PTPRD: variants seen among roughly 807,000 people sequenced by gnomAD.
The protein encoded by PTPRD is protein tyrosine phosphatase receptor type D, also known as receptor-type tyrosine-protein phosphatase delta.
Under a neutral mutation model 214.5 loss-of-function variants are expected in PTPRD, and 34 were observed. The ratio of observed to expected loss-of-function variants is 0.16; its 90% CI spans 0.12 to 0.21. PTPRD has a LOEUF of 0.21. PTPRD is among the 10% of genes least tolerant of loss of function. The pLI is 1.00. For synonymous variants in PTPRD, 1,128 were observed against 845.7 expected, an observed-to-expected ratio of 1.33 and a Z score of -5.79; for missense variants, 2,545 against 2,398.7, an observed-to-expected ratio of 1.06 and a Z score of -1.27.
At chr9:8,689,263 C>T (rs542027170) in intron 12 of PTPRD, among the ~76,000 whole-genome samples, 4 of 152,036 alleles carry the variant, frequency 2.6e-5, no homozygotes, top group Non-Finnish European at 5.9e-5. Context: ...AAAACAAAAT[C>T]AGAGTAAGAG....
At chr9:8,593,964 A>G (rs529336077) in intron 14 of PTPRD, among the ~76,000 whole-genome samples, 1 of 152,326 alleles carries the variant, frequency 6.6e-6, no homozygotes, top group African/African-American at 2.4e-5. Flanking sequence ...ATATATGCAT[A>G]TCTCATATAT....
At chr9:9,470,125 C>T (rs1020770446) in intron 8 of PTPRD, among the ~76,000 whole-genome samples, 6 of 152,278 alleles carry the variant, frequency 3.9e-5, no homozygotes, top group Middle Eastern at 3.4e-3. Flanking sequence ...TGTCAGGTCA[C>T]AGTGGGTTGA....
chr9:8,687,300 G>T (rs1427307236), intron 12 of PTPRD, among the ~76,000 whole-genome samples: 1 of 152,162 alleles, frequency 6.6e-6, no homozygotes, highest in Non-Finnish European at 1.5e-5. Context: ...GTTAAAATTT[G>T]TGATGGCTTC....
rs117360282 is a variant in PTPRD at position 8,349,376 on chromosome 9, C to T, written c.4662-7398G>A. ...CATATATTTATTTTGTTTCCTTCTCCAATTTACTCTTTTTTTGTTCACCCA... is the reference window on the plus strand; with the variant it reads ...CATATATTTATTTTGTTTCCTTCTCTAATTTACTCTTTTTTTGTTCACCCA... On this transcript the variant is annotated intron_variant, in intron 39 of 45. Coordinates refer to ENST00000381196, the MANE Select transcript of PTPRD (RefSeq NM_002839.4). Among the ~76,000 whole-genome samples, 7 of 152,270 alleles carry T rather than the reference C, an allele frequency of 4.6e-5. No homozygotes were observed. In the East Asian group the frequency reaches 1.4e-3, roughly 29 times the overall value.
At position 8,316,762 on chromosome 9, in the gene PTPRD, ACAAT is replaced by A. The variant is rs201867677; in HGVS notation, c.*1108_*1111del. On this transcript the variant is annotated 3_prime_UTR_variant, in exon 46 of 46. Transcript: ENST00000381196. ...GTAGGAAATCAGGGGGTGAGGTTTGACAATCAATCACTGATGTGCATTCCTCATT... is the reference window on the plus strand; with the variant it reads ...GTAGGAAATCAGGGGGTGAGGTTTGACAATCACTGATGTGCATTCCTCATT... The A allele has an allele frequency of 3.3e-4, 76 of 231,574 alleles. No individual in the cohort carries two copies. Among genetic ancestry groups the A allele is most frequent in the African/African-American group, 1.6e-3 (71 of 45,304 alleles). The allele number at this position is 231,574 out of a possible 1,614,324, so 14.3% of individuals were successfully genotyped here.
chr9:10,384,626 A>AT (rs1026016817), intron 2 of PTPRD, among the ~76,000 whole-genome samples: 5 of 151,798 alleles, frequency 3.3e-5, no homozygotes, highest in Admixed American at 2.0e-4. Context: ...ATAAAAACGG[A>AT]TTTTTTTAAA....
At chr9:9,233,015 C>T (rs1042494542) in intron 9 of PTPRD, among the ~76,000 whole-genome samples, 5 of 152,104 alleles carry the variant, frequency 3.3e-5, no homozygotes, top group Non-Finnish European at 7.3e-5. Flanking sequence ...AATAATAGCT[C>T]TTAAGACCCT....
chr9:8,339,870 C>G (rs576892639), intron 42 of PTPRD, among the ~76,000 whole-genome samples: 25 of 151,094 alleles, frequency 1.7e-4, no homozygotes, highest in African/African-American at 5.8e-4. Flanking sequence ...AAAAGTGGAT[C>G]TGGGATTACC....
intron 8 of PTPRD, among the ~76,000 whole-genome samples, chr9:9,470,383 T>C (rs1171282129): frequency 6.6e-6 from 1 of 152,216 alleles, no homozygotes; most frequent in African/African-American, 2.4e-5. Context: ...TGTTATATTT[T>C]GTACAGTTTC....
intron 2 of PTPRD, among the ~76,000 whole-genome samples, chr9:10,596,549 T>A (rs1567130612): frequency 6.6e-6 from 1 of 151,726 alleles, no homozygotes; most frequent in Non-Finnish European, 1.5e-5. Flanking sequence ...TATATTTAAA[T>A]GTAGACTACT....
chr9:9,615,337 T>G (rs1369561715), intron 7 of PTPRD, among the ~76,000 whole-genome samples: 1 of 152,102 alleles, frequency 6.6e-6, no homozygotes, highest in East Asian at 1.9e-4. Flanking sequence ...GATCTGTTGC[T>G]CCTCACCTGC....
At chr9:10,028,990 C>T (rs1217006) in intron 4 of PTPRD, among the ~76,000 whole-genome samples, 6 of 152,024 alleles carry the variant, frequency 3.9e-5, no homozygotes, top group East Asian at 3.9e-4. Flanking sequence ...GGCTGTGTGC[C>T]GCCTAGGGAC....
At chr9:9,225,247 A>G (rs1341968500) in intron 9 of PTPRD, among the ~76,000 whole-genome samples, 1 of 152,038 alleles carries the variant, frequency 6.6e-6, no homozygotes. Flanking sequence ...AATTATGTCT[A>G]TGATTAGCTC....
chr9:9,361,065 T>A (rs2139033374), intron 9 of PTPRD, among the ~76,000 whole-genome samples: 1 of 151,328 alleles, frequency 6.6e-6, no homozygotes, highest in East Asian at 1.9e-4. Context: ...TATAAAGGGA[T>A]AATTTCCAGG....
At chr9:9,041,426 T>C (rs2099639521) in intron 10 of PTPRD, among the ~76,000 whole-genome samples, 1 of 152,262 alleles carries the variant, frequency 6.6e-6, no homozygotes, top group African/African-American at 2.4e-5. Flanking sequence ...CCATGTGTTC[T>C]CACCATTTAG....
chr9:10,140,519 G>A (rs989380644), intron 3 of PTPRD, among the ~76,000 whole-genome samples: 3 of 151,932 alleles, frequency 2.0e-5, no homozygotes, highest in Admixed American at 6.6e-5. Context: ...TAAATTTCTC[G>A]ACACATACAC....
intron 6 of PTPRD, among the ~76,000 whole-genome samples, chr9:9,750,049 G>A (rs943464434): frequency 1.2e-4 from 19 of 152,002 alleles, no homozygotes; most frequent in Non-Finnish European, 2.5e-4. Flanking sequence ...AAACAACTAC[G>A]AAAAATAAAC....
intron 9 of PTPRD, among the ~76,000 whole-genome samples, chr9:9,353,524 C>G (rs926120629): frequency 7.3e-5 from 11 of 151,558 alleles, no homozygotes; most frequent in African/African-American, 2.4e-4. Flanking sequence ...CTTGAGTGAT[C>G]TGGAAAAATG....
chr9:9,430,151 C>T (rs1176014686), intron 8 of PTPRD, among the ~76,000 whole-genome samples: 3 of 152,166 alleles, frequency 2.0e-5, no homozygotes, highest in Non-Finnish European at 4.4e-5. Flanking sequence ...GTCTAGATAA[C>T]CCCACTGTCT....
Sources: allele counts gnomAD v4.1 joint callset (sites outside exome capture counted in the v4.1 genomes callset), GRCh38; gene constraint gnomAD v4.1.1; transcripts MANE v1.5; gene names NCBI Gene and HGNC (gene_info 2026-07-23, HGNC 2026-07-21).